Variants in CCSER1 observed in about 807,000 individuals in gnomAD.
The protein encoded by CCSER1 is coiled-coil serine rich protein 1.
In CCSER1, 41 loss-of-function variants were observed where a neutral mutation model predicts 82.0. The observed-to-expected ratio is 0.50, with a 90% CI of 0.39 to 0.65. The LOEUF is 0.65. Ranked by LOEUF, CCSER1 falls within the 30% of genes least tolerant of loss-of-function variation. The pLI, the probability that CCSER1 is intolerant of heterozygous loss-of-function variation, is 0.00. For synonymous variants in CCSER1, 414 were observed against 383.9 expected, an observed-to-expected ratio of 1.08 and a Z score of -0.92; for missense variants, 1,119 against 1,064.2, an observed-to-expected ratio of 1.05 and a Z score of -0.72.
intron 3 of CCSER1, among the ~76,000 whole-genome samples, chr4:90,327,681 C>T (rs574362744): frequency 7.2e-5 from 11 of 152,090 alleles, no homozygotes; most frequent in East Asian, 1.9e-4. Context: ...TGGATAATTC[C>T]GTGTTAGGGG....
chr4:91,208,399 T>C (rs1736526348), intron 10 of CCSER1, among the ~76,000 whole-genome samples: 1 of 151,972 alleles, frequency 6.6e-6, no homozygotes, highest in African/African-American at 2.4e-5. Flanking sequence ...TGAGTTGATT[T>C]TTGTATTTGG....
chr4:91,090,450 T>C (rs912092137), intron 10 of CCSER1, among the ~76,000 whole-genome samples: 2 of 152,210 alleles, frequency 1.3e-5, no homozygotes, highest in Non-Finnish European at 2.9e-5. Context: ...CATGTAACTG[T>C]TTTTGTGGTA....
intron 1 of CCSER1, among the ~76,000 whole-genome samples, chr4:90,248,596 A>T (rs999961611): frequency 6.6e-6 from 1 of 152,056 alleles, no homozygotes; most frequent in African/African-American, 2.4e-5. Flanking sequence ...TAACTCTCCG[A>T]TGCTACTTCT....
At chr4:90,296,152 A>G (rs1394605210) in intron 1 of CCSER1, among the ~76,000 whole-genome samples, 2 of 152,070 alleles carry the variant, frequency 1.3e-5, no homozygotes, top group Middle Eastern at 3.2e-3. Flanking sequence ...AGACTCTGAG[A>G]CAGTCTTTGA....
chr4:91,416,946 A>G (rs1753400214), intron 10 of CCSER1, among the ~76,000 whole-genome samples: 2 of 152,200 alleles, frequency 1.3e-5, no homozygotes, highest in African/African-American at 4.8e-5. Flanking sequence ...AATTTTTGCA[A>G]TCTGTCCATC....
intron 1 of CCSER1, among the ~76,000 whole-genome samples, chr4:90,164,866 T>C (rs559243935): frequency 6.6e-6 from 1 of 152,156 alleles, no homozygotes; most frequent in Non-Finnish European, 1.5e-5. Context: ...TTTTTGAATT[T>C]TTTTTGAATC....
intron 1 of CCSER1, among the ~76,000 whole-genome samples, chr4:90,240,710 A>G (rs575528411): frequency 6.6e-6 from 1 of 152,342 alleles, no homozygotes; most frequent in African/African-American, 2.4e-5. Flanking sequence ...TATAGCTAAT[A>G]TTGTGGCAAA....
chr4:91,082,455 C>G (rs1412826599), intron 9 of CCSER1, among the ~76,000 whole-genome samples: 3 of 152,188 alleles, frequency 2.0e-5, no homozygotes, highest in African/African-American at 7.2e-5. Context: ...ACCATTAAAA[C>G]CCTAGAAGAA....
chr4:91,193,591 G>C (rs1384997120), intron 10 of CCSER1, among the ~76,000 whole-genome samples: 1 of 152,056 alleles, frequency 6.6e-6, no homozygotes, highest in Non-Finnish European at 1.5e-5. Context: ...AAAAGCAAAA[G>C]CACTATGAAA....
At chr4:90,589,581 A>G (rs924494033) in intron 5 of CCSER1, among the ~76,000 whole-genome samples, 7 of 152,154 alleles carry the variant, frequency 4.6e-5, no homozygotes, top group African/African-American at 1.7e-4. Context: ...AGACTTACAT[A>G]TTACTATTTT....
intron 10 of CCSER1, among the ~76,000 whole-genome samples, chr4:91,310,048 C>T (rs1745357261): frequency 1.3e-5 from 2 of 152,038 alleles, no homozygotes; most frequent in South Asian, 2.1e-4. Context: ...CCAATCCTCA[C>T]AATCTCCTTA....
chr4:91,166,048 A>G (rs1732028536), intron 10 of CCSER1, among the ~76,000 whole-genome samples: 1 of 152,154 alleles, frequency 6.6e-6, no homozygotes, highest in Admixed American at 6.5e-5. Context: ...ATCTGTTCCT[A>G]TTTGGCCATC....
intron 8 of CCSER1, among the ~76,000 whole-genome samples, chr4:90,820,760 T>C (rs1759629788): frequency 6.6e-6 from 1 of 151,264 alleles, no homozygotes; most frequent in African/African-American, 2.4e-5. Flanking sequence ...TTTATAGCTA[T>C]GTTGCTTATA....
At chr4:90,784,949 G>A (rs772757949) in intron 7 of CCSER1, among the ~76,000 whole-genome samples, 49 of 152,180 alleles carry the variant, frequency 3.2e-4, no homozygotes, top group South Asian at 8.3e-4. Context: ...CTTCATCCTC[G>A]TCACATTGAG....
intron 10 of CCSER1, among the ~76,000 whole-genome samples, chr4:91,508,214 T>C (rs917509370): frequency 2.9e-5 from 4 of 138,196 alleles, no homozygotes; most frequent in Admixed American, 1.5e-4. Context: ...TCTTTTACCA[T>C]TAAGCATGTT....
intron 5 of CCSER1, among the ~76,000 whole-genome samples, chr4:90,528,950 G>A (rs1399913135): frequency 5.3e-5 from 8 of 151,572 alleles, no homozygotes; most frequent in Admixed American, 4.6e-4. Context: ...TTGGAATTTT[G>A]TTGTCCATAT....
chr4:91,477,892 G>T (rs1387138970), intron 10 of CCSER1, among the ~76,000 whole-genome samples: 1 of 151,708 alleles, frequency 6.6e-6, no homozygotes, highest in Non-Finnish European at 1.5e-5. Context: ...GAGGGCATAT[G>T]GTTCCTACTG....
At chr4:91,264,341 A>G (rs1408417678) in intron 10 of CCSER1, among the ~76,000 whole-genome samples, 2 of 151,832 alleles carry the variant, frequency 1.3e-5, no homozygotes, top group Non-Finnish European at 2.9e-5. Context: ...TGTAGTTAGT[A>G]TTAGGTAGGT....
intron 3 of CCSER1, among the ~76,000 whole-genome samples, chr4:90,360,229 T>C (rs1450724049): frequency 7.0e-6 from 1 of 143,368 alleles, no homozygotes; most frequent in Non-Finnish European, 1.5e-5. Context: ...AATATTCTTA[T>C]AATAAAAAAA....
Sources: allele counts gnomAD v4.1 joint callset (sites outside exome capture counted in the v4.1 genomes callset), GRCh38; gene constraint gnomAD v4.1.1; transcripts MANE v1.5; gene names NCBI Gene and HGNC (gene_info 2026-07-23, HGNC 2026-07-21).